The following TNKS variants were observed in gnomAD, a reference collection of about 807,000 sequenced individuals.
TNKS encodes poly [ADP-ribose] polymerase tankyrase-1.
Under a neutral mutation model 135.8 loss-of-function variants are expected in TNKS, and 72 were observed. The ratio of observed to expected loss-of-function variants is 0.53; its 90% CI spans 0.44 to 0.64. The LOEUF (loss-of-function observed/expected upper bound fraction) is 0.64. Ranked by LOEUF, TNKS falls within the 30% of genes least tolerant of loss-of-function variation. TNKS has a pLI of 0.00. For missense variants in TNKS, 1,769 were observed against 1,674.0 expected, an observed-to-expected ratio of 1.06 and a Z score of -0.99; for synonymous variants, 849 against 649.3, an observed-to-expected ratio of 1.31 and a Z score of -4.68.
At chr8:9,560,279 A>G (rs1797272561) in intron 1 of TNKS, among the ~76,000 whole-genome samples, 2 of 152,062 alleles carry the variant, frequency 1.3e-5, no homozygotes, top group South Asian at 4.1e-4. Context: ...TAGTATTTAC[A>G]TGAAATTGAA....
Position 9,776,645 on chromosome 8 carries a change from C to G in TNKS, c.3898-5C>G. 6.2e-7 allele frequency: 1 copy of G among 1,613,702 alleles called. No homozygotes were observed. Among genetic ancestry groups the G allele is most frequent in the Non-Finnish European group, 8.5e-7 (1 of 1,179,710 alleles). ...GTGATTTGTTTTTCTTCTTGTCCTT[C>G]CCAGGCATACCCAGAGTATCTTATC... On this transcript the variant is annotated splice_region_variant and splice_polypyrimidine_tract_variant and intron_variant, in intron 26 of 26. Transcript: ENST00000310430.
intron 20 of TNKS, among the ~76,000 whole-genome samples, chr8:9,755,302 G>T (rs1806778678): frequency 1.3e-5 from 2 of 152,004 alleles, no homozygotes; most frequent in South Asian, 4.1e-4. Flanking sequence ...CAGTTTCATT[G>T]TTCTTTTTTT....
At chr8:9,568,670 C>A (rs1220084539) in intron 1 of TNKS, among the ~76,000 whole-genome samples, 3 of 152,202 alleles carry the variant, frequency 2.0e-5, no homozygotes, top group Admixed American at 2.0e-4. Flanking sequence ...TAATTCTCAT[C>A]TGCTTCTACC....
At chr8:9,761,355 A>C (rs950898014) in intron 20 of TNKS, among the ~76,000 whole-genome samples, 161 bp from the exon 21 acceptor site, 1 of 152,244 alleles carries the variant, frequency 6.6e-6, no homozygotes, top group Non-Finnish European at 1.5e-5. Context: ...TGATGAGACT[A>C]TCAAGACAAC....
intron 2 of TNKS, among the ~76,000 whole-genome samples, chr8:9,613,597 A>G (rs935080129): frequency 1.3e-5 from 2 of 152,218 alleles, no homozygotes; most frequent in Non-Finnish European, 2.9e-5. Flanking sequence ...CTGTTGCTAC[A>G]TTACTTTGCT....
intron 1 of TNKS, among the ~76,000 whole-genome samples, chr8:9,562,103 C>A (rs948132753): frequency 1.3e-5 from 2 of 152,112 alleles, no homozygotes; most frequent in Non-Finnish European, 2.9e-5. Flanking sequence ...AGGAGTGACC[C>A]ACCACGCCTG....
chr8:9,650,940 G>C (rs1005108726), intron 3 of TNKS, among the ~76,000 whole-genome samples: 1 of 152,128 alleles, frequency 6.6e-6, no homozygotes, highest in Non-Finnish European at 1.5e-5. Context: ...TAGAATTTCT[G>C]TTGTTTCAGG....
chr8:9,668,842 T>C (rs748628473), intron 3 of TNKS, among the ~76,000 whole-genome samples: 1 of 152,196 alleles, frequency 6.6e-6, no homozygotes, highest in Admixed American at 6.5e-5. Flanking sequence ...GAACAGTGAA[T>C]AATAAATTGA....
intron 3 of TNKS, among the ~76,000 whole-genome samples, chr8:9,623,909 G>A (rs1012179553): frequency 6.6e-6 from 1 of 152,096 alleles, no homozygotes; most frequent in Non-Finnish European, 1.5e-5. Flanking sequence ...GGGTGAGGCT[G>A]GAGAATTGCT....
chr8:9,616,942 G>A (rs145237134), intron 3 of TNKS, among the ~76,000 whole-genome samples: 203 of 152,248 alleles, frequency 1.3e-3, no homozygotes, highest in African/African-American at 4.6e-3. Context: ...GCTTTAGAGT[G>A]GTCTCTGACC....
chr8:9,673,706 G>T (rs983922933), intron 3 of TNKS, among the ~76,000 whole-genome samples: 1 of 151,988 alleles, frequency 6.6e-6, no homozygotes, highest in South Asian at 2.1e-4. Context: ...GGCCTCCAAG[G>T]CGCTGGGATT....
At chr8:9,695,009 T>C (rs1483777380) in intron 5 of TNKS, among the ~76,000 whole-genome samples, 1 of 152,146 alleles carries the variant, frequency 6.6e-6, no homozygotes, top group Non-Finnish European at 1.5e-5. Context: ...GGAAACCTTT[T>C]CTTATGTACC....
At chr8:9,677,854 C>G (rs555531636) in intron 3 of TNKS, among the ~76,000 whole-genome samples, 3 of 152,268 alleles carry the variant, frequency 2.0e-5, no homozygotes, top group African/African-American at 7.2e-5. Context: ...GAGCTACTTA[C>G]AACCATTCCC....
At chr8:9,696,383 C>G (rs1803515233) in intron 5 of TNKS, among the ~76,000 whole-genome samples, 1 of 151,854 alleles carries the variant, frequency 6.6e-6, no homozygotes, top group African/African-American at 2.4e-5. Flanking sequence ...CTAATAAGGT[C>G]AGATAAGATA....
At chr8:9,567,620 T>C (rs1258435344) in intron 1 of TNKS, among the ~76,000 whole-genome samples, 1 of 152,326 alleles carries the variant, frequency 6.6e-6, no homozygotes, top group African/African-American at 2.4e-5. Context: ...GGTTTCACCG[T>C]GTTAGCGAGG....
intron 1 of TNKS, among the ~76,000 whole-genome samples, chr8:9,569,246 C>T (rs1349513818): frequency 1.3e-5 from 2 of 152,108 alleles, no homozygotes; most frequent in South Asian, 2.1e-4. Context: ...CAGCTATTAC[C>T]ATAGTTTCTT....
chr8:9,591,198 C>G (rs570307342), intron 2 of TNKS, among the ~76,000 whole-genome samples: 1 of 152,126 alleles, frequency 6.6e-6, no homozygotes, highest in Admixed American at 6.5e-5. Context: ...AATTTACTCC[C>G]TTTCGTGTAT....
chr8:9,674,751 A>G (rs1802464714), intron 3 of TNKS, among the ~76,000 whole-genome samples: 1 of 152,196 alleles, frequency 6.6e-6, no homozygotes, highest in Non-Finnish European at 1.5e-5. Context: ...TAGCTAGTTT[A>G]AAAGGTCAAG....
At chr8:9,643,893 C>A (rs574411468) in intron 3 of TNKS, among the ~76,000 whole-genome samples, 5 of 151,938 alleles carry the variant, frequency 3.3e-5, no homozygotes, top group Non-Finnish European at 5.9e-5. Context: ...AGAGATAAAC[C>A]GATAAATAAA....
Sources: allele counts gnomAD v4.1 joint callset (sites outside exome capture counted in the v4.1 genomes callset), GRCh38; gene constraint gnomAD v4.1.1; transcripts MANE v1.5; gene names NCBI Gene and HGNC (gene_info 2026-07-23, HGNC 2026-07-21).